PRKN: variants seen among roughly 807,000 people sequenced by gnomAD.
The protein encoded by PRKN is parkin RBR E3 ubiquitin protein ligase.
Under a neutral mutation model 59.5 loss-of-function variants are expected in PRKN, and 56 were observed. That is an observed-to-expected ratio of 0.94 (90% confidence interval 0.76 to 1.18). The LOEUF (loss-of-function observed/expected upper bound fraction) is 1.18. Ranked by LOEUF, PRKN falls within the 50% of genes most tolerant of loss-of-function variation. The pLI, the probability that PRKN is intolerant of heterozygous loss-of-function variation, is 0.00. For synonymous variants in PRKN, 250 were observed against 222.1 expected (o/e 1.13, Z -1.12); for missense variants, 657 against 596.4 (o/e 1.10, Z -1.06).
At chr6:161,433,749 G>T (rs561190682) in intron 9 of PRKN, among the ~76,000 whole-genome samples, 11 of 152,096 alleles carry the variant, frequency 7.2e-5, no homozygotes, top group Admixed American at 5.2e-4. Flanking sequence ...GAGCACTGTG[G>T]CTGTCACCTG....
At chr6:161,406,151 CACACATATATATACACATATATAT>C (rs1226096550) in intron 9 of PRKN, among the ~76,000 whole-genome samples, 1 of 151,418 alleles carries the variant, frequency 6.6e-6, no homozygotes, top group South Asian at 2.1e-4. Flanking sequence ...TACATATATA[CACACATATATATACACATATATAT>C]ACATACATAT....
chr6:162,539,661 G>A (rs527494941), intron 1 of PRKN, among the ~76,000 whole-genome samples: 31 of 152,184 alleles, frequency 2.0e-4, no homozygotes, highest in Admixed American at 3.3e-4. Context: ...AATTGTTTAG[G>A]AACTAGATCC....
At chr6:161,764,625 T>C (rs963357122) in intron 7 of PRKN, among the ~76,000 whole-genome samples, 2 of 152,226 alleles carry the variant, frequency 1.3e-5, no homozygotes, top group South Asian at 4.1e-4. Context: ...TAATTGTGCA[T>C]TTCTATGTGA....
intron 2 of PRKN, among the ~76,000 whole-genome samples, chr6:162,322,009 A>G (rs1783044515): frequency 6.6e-6 from 1 of 152,004 alleles, no homozygotes; most frequent in African/African-American, 2.4e-5. Flanking sequence ...GCAATAAGTC[A>G]AGAAAAATAA....
At chr6:161,455,157 G>T (rs1241232179) in intron 9 of PRKN, among the ~76,000 whole-genome samples, 1 of 151,610 alleles carries the variant, frequency 6.6e-6, no homozygotes, top group Non-Finnish European at 1.5e-5. Context: ...TCCTGCCTCA[G>T]CCTCCTGAGT....
chr6:161,350,086 C>A lies in PRKN; in HGVS notation c.*13G>T, dbSNP rs965138593. ...CCCCCAGGATGTGGCGATGGGGCGC[C>A]CGGCCGCCCTGGCTACACGTCGAAC... On this transcript the variant is annotated 3_prime_UTR_variant, in exon 12 of 12. Transcript: ENST00000366898. 2.5e-6 allele frequency: 4 copies of A among 1,588,628 alleles called. No individual in the cohort carries two copies. The highest frequency in any genetic ancestry group is 3.5e-6 in the Non-Finnish European group (4 of 1,158,092).
intron 1 of PRKN, among the ~76,000 whole-genome samples, chr6:162,720,347 C>T (rs1471833079): frequency 6.6e-6 from 1 of 151,664 alleles, no homozygotes; most frequent in Non-Finnish European, 1.5e-5. Context: ...ATGGGGGCCT[C>T]TGTTCAGGTC....
In PRKN at chr6:162,099,831, A is replaced by T. The variant is rs189835959; in HGVS notation, c.535-45657T>A. On this transcript the variant is annotated intron_variant, in intron 4 of 11. Transcript: ENST00000366898. ...AGAATGTAATACATTGTTATTAACT[A>T]CAGTCACCATATTGTGCAATACTGT... 9.8e-4 allele frequency among the ~76,000 whole-genome samples: 149 copies of T among 152,304 alleles called. 1 individual carries two copies. Among genetic ancestry groups the T allele is most frequent in the Non-Finnish European group, 1.6e-3 (108 of 68,032 alleles).
intron 2 of PRKN, among the ~76,000 whole-genome samples, chr6:162,373,321 T>TAGTA (rs1210724619): frequency 6.6e-6 from 1 of 152,218 alleles, no homozygotes; most frequent in East Asian, 1.9e-4. Context: ...GGTCAATAAG[T>TAGTA]AGTAGTAAGC....
chr6:161,468,299 C>CAA lies in PRKN; in HGVS notation c.1083+80553_1083+80554dup, dbSNP rs11455156. ...CTTACCCTATACTTTAAAACAAAAA[C>CAA]AAAAAAAAAACAGCCAAACCTAATC... On this transcript the variant is annotated intron_variant, in intron 9 of 11. Coordinates refer to ENST00000366898, the MANE Select transcript of PRKN (RefSeq NM_004562.3). This position sits in a 1 kb window ranked among gnomAD's most constrained non-coding sequence, Gnocchi z 5.9. Among the ~76,000 whole-genome samples, 4 of 146,122 alleles carry CAA rather than the reference C, an allele frequency of 2.7e-5. No homozygotes were observed. The highest frequency in any genetic ancestry group is 1.0e-4 in the African/African-American group (4 of 39,936).
chr6:161,382,203 A>G (rs1432101312), intron 10 of PRKN, among the ~76,000 whole-genome samples: 2 of 152,140 alleles, frequency 1.3e-5, no homozygotes, highest in African/African-American at 4.8e-5. Context: ...CAGAGAAACG[A>G]TATTTCAAGT....
At position 162,554,791 on chromosome 6, in the gene PRKN, A is replaced by G. The variant is rs1023669501; in HGVS notation, c.8-111318T>C. 2.6e-5 allele frequency among the ~76,000 whole-genome samples: 4 copies of G among 152,334 alleles called. No individual in the cohort carries two copies. In the East Asian group the frequency reaches 7.7e-4, roughly 29 times the overall value. On this transcript the variant is annotated intron_variant, in intron 1 of 11. Coordinates refer to ENST00000366898, the MANE Select transcript of PRKN (RefSeq NM_004562.3). Reference sequence around the variant, plus strand: ...GGCCTCCAGAGAAGGCGAAAGACCCAGCCAAGGCCAGGTCACCACAGAAAT... The same window carrying G: ...GGCCTCCAGAGAAGGCGAAAGACCCGGCCAAGGCCAGGTCACCACAGAAAT...
Position 161,396,882 on chromosome 6 carries a change from C to T in PRKN, c.1084-10005G>A, listed in dbSNP as rs1414855558. Among the ~76,000 whole-genome samples, 2 of 152,202 alleles carry T rather than the reference C, an allele frequency of 1.3e-5. No homozygotes were observed. Among genetic ancestry groups the T allele is most frequent in the Non-Finnish European group, 2.9e-5 (2 of 68,036 alleles). ...CCTGAACATGTTTGGGGACACCCTG[C>T]CAGCACATCTTACAGACTTTTGTCT... On this transcript the variant is annotated intron_variant, in intron 9 of 11. Coordinates refer to ENST00000366898, the MANE Select transcript of PRKN (RefSeq NM_004562.3). This position sits in a 1 kb window ranked among gnomAD's most constrained non-coding sequence, Gnocchi z 5.4.
chr6:162,095,755 G>A (rs866811105), intron 4 of PRKN, among the ~76,000 whole-genome samples: 4 of 152,118 alleles, frequency 2.6e-5, no homozygotes, highest in Admixed American at 2.6e-4. Context: ...TATCAAGAAC[G>A]TGGGCTCCAG....
intron 2 of PRKN, among the ~76,000 whole-genome samples, chr6:162,435,904 C>T (rs1169427543): frequency 6.6e-6 from 1 of 152,094 alleles, no homozygotes; most frequent in Non-Finnish European, 1.5e-5. Context: ...TGGTCATTTG[C>T]AGAATTCTTT....
chr6:162,494,147 C>A (rs1186665280), intron 1 of PRKN, among the ~76,000 whole-genome samples: 2 of 152,162 alleles, frequency 1.3e-5, no homozygotes, highest in Non-Finnish European at 2.9e-5. Context: ...TTGTGGTGCA[C>A]TATAAATAAG....
chr6:162,362,385 G>A (rs540409918), intron 2 of PRKN, among the ~76,000 whole-genome samples: 1 of 152,184 alleles, frequency 6.6e-6, no homozygotes, highest in South Asian at 2.1e-4. Flanking sequence ...ATAGTATAAT[G>A]CTTAGTTACC....
intron 6 of PRKN, among the ~76,000 whole-genome samples, chr6:161,935,967 C>T (rs1388062553): frequency 1.3e-5 from 2 of 152,234 alleles, no homozygotes; most frequent in East Asian, 3.9e-4. Context: ...GCAAGCTTTC[C>T]TCTTGAGGGG....
intron 2 of PRKN, chr6:162,265,306 G>C (rs1282790979): frequency 3.3e-5 from 5 of 152,146 alleles, no homozygotes; most frequent in Non-Finnish European, 7.3e-5. Flanking sequence ...TGCAATCTGT[G>C]TCCAGCCACA....
Sources: gnomAD v4.1 joint callset for allele counts (sites outside exome capture counted in the v4.1 genomes callset) on GRCh38, gnomAD v4.1.1 for gene constraint, Gnocchi (gnomAD v3.1) non-coding constraint, MANE v1.5 for transcripts, NCBI Gene and HGNC (gene_info 2026-07-23, HGNC 2026-07-21) for gene names.